RIBC2: variants seen among roughly 807,000 people sequenced by gnomAD.
The protein encoded by RIBC2 is RIB43A domain with coiled-coils 2.
A neutral mutation model predicts 44.3 loss-of-function variants in RIBC2; 40 were observed. The observed-to-expected ratio is 0.90, with a 90% CI of 0.70 to 1.18. The LOEUF (loss-of-function observed/expected upper bound fraction) is 1.18. RIBC2 is among the 50% of genes most tolerant of loss of function. RIBC2 has a pLI of 0.00. For synonymous variants in RIBC2, 171 were observed against 175.0 expected, an observed-to-expected ratio of 0.98 and a Z score of 0.18; for missense variants, 459 against 485.5, an observed-to-expected ratio of 0.95 and a Z score of 0.51.
chr22:45,425,142 AAC>A (rs992475321), intron 4 of RIBC2, among the ~76,000 whole-genome samples: 4 of 152,058 alleles, frequency 2.6e-5, no homozygotes, highest in African/African-American at 9.7e-5. Context: ...CAAACAAACA[AAC>A]AAAAAAAAAC....
At chr22:45,426,278 T>C in intron 5 of RIBC2, 103 bp downstream of exon 5, 1 of 1,019,088 alleles carries the variant, frequency 9.8e-7, no homozygotes, top group South Asian at 1.5e-5. Context: ...TGCTCTGCCC[T>C]AGCACCTGCC....
At chr22:45,428,658 G>A (rs2087553503) in intron 5 of RIBC2, among the ~76,000 whole-genome samples, 1 of 152,202 alleles carries the variant, frequency 6.6e-6, no homozygotes, top group African/African-American at 2.4e-5. Flanking sequence ...GACCACTGAA[G>A]TGACCGTCAT....
intron 2 of RIBC2, among the ~76,000 whole-genome samples, chr22:45,414,888 A>G (rs529955930): frequency 2.6e-5 from 4 of 152,314 alleles, no homozygotes; most frequent in Admixed American, 2.6e-4. Context: ...TGCTCTGCTC[A>G]AAAGTTTAAG....
intron 3 of RIBC2, among the ~76,000 whole-genome samples, chr22:45,418,557 C>T (rs150210601): frequency 7.2e-4 from 110 of 152,318 alleles, no homozygotes; most frequent in Middle Eastern, 3.4e-3. Context: ...AGCACTGACC[C>T]GCCCAGCCAC....
intron 4 of RIBC2, 129 bp from the exon 5 acceptor site, chr22:45,425,819 C>T: frequency 1.3e-6 from 1 of 765,002 alleles, no homozygotes; most frequent in Non-Finnish European, 2.2e-6. Context: ...CAAGTCTCCC[C>T]TCCACCCGAC....
intron 5 of RIBC2, among the ~76,000 whole-genome samples, chr22:45,429,842 A>G (rs1260470117): frequency 1.3e-5 from 2 of 152,126 alleles, no homozygotes; most frequent in African/African-American, 4.8e-5. Context: ...AAAGGGGGAA[A>G]AACACACATG....
Position 45,421,574 on chromosome 22 carries a change from G to GTAT in RIBC2, c.557-710_557-708dup, listed in dbSNP as rs1324149227. 1.5e-4 allele frequency among the ~76,000 whole-genome samples: 10 copies of GTAT among 68,586 alleles called. 1 individual carries two copies. Among genetic ancestry groups the GTAT allele is most frequent in the African/African-American group, 3.6e-4 (4 of 11,184 alleles). 45.0% of individuals were successfully genotyped at this position (68,586 alleles called of 152,430 possible). On this transcript the variant is annotated intron_variant, in intron 3 of 6. Transcript: ENST00000614167. ...AATAATAATAGTATTATTAATAATA[G>GTAT]TATTATTAATAATAATAATAGTATT... is the stretch of plus-strand genomic sequence containing the variant.
chr22:45,418,053 G>A, intron 3 of RIBC2, 107 bp downstream of exon 3: 1 of 674,152 alleles, frequency 1.5e-6, no homozygotes, highest in Non-Finnish European at 2.4e-6. Context: ...TTTTTTTTAA[G>A]CAACCCTACA....
chr22:45,414,457 TC>T, intron 2 of RIBC2, 54 bp downstream of exon 2: 1 of 1,254,454 alleles, frequency 8.0e-7, no homozygotes, highest in Non-Finnish European at 1.1e-6. Flanking sequence ...GGCTTTAGAC[TC>T]CAGTCTTCCC....
At position 45,426,167 on chromosome 22, in the gene RIBC2, G is replaced by A. The variant is rs762234510; in HGVS notation, c.895G>A (p.Glu299Lys). ...IRLVQKQQIQ[E>K]KLRLQEEKRQ... The stretch of plus-strand genomic sequence containing the variant: ...CCTAGTCCAGAAGCAGCAAATCCAG[G>A]AGAAGCTGGTGACTGCCCCGCCCCT... Residue 299 changes from glutamate (E) to lysine (K), a missense_variant, in exon 5 of 7, where the codon GAG (glutamate) becomes AAG (lysine). Coordinates refer to ENST00000614167, the MANE Select transcript of RIBC2 (RefSeq NM_015653.5). The A allele has an allele frequency of 1.9e-6, 3 of 1,613,282 alleles. No homozygotes were observed. The highest frequency in any genetic ancestry group is 1.7e-6 in the Non-Finnish European group (2 of 1,179,836).
rs906790262 is a variant in RIBC2, at chr22:45,421,697, C to T, written c.557-593C>T. Among the ~76,000 whole-genome samples, 5 of 151,598 alleles carry T rather than the reference C, an allele frequency of 3.3e-5. No homozygotes were observed. The East Asian group carries it at 9.7e-4, about 29-fold the overall frequency. ...AAGGCTAAGTAATAGTTGAGGTTAA[C>T]AGAGCTCGGAAATGTCTGGGCTGGG... is the stretch of plus-strand genomic sequence containing the variant. On this transcript the variant is annotated intron_variant, in intron 3 of 6. Coordinates refer to ENST00000614167, the MANE Select transcript of RIBC2 (RefSeq NM_015653.5).
rs562680028 is a variant in RIBC2 at position 45,416,201 on chromosome 22, G to A, written c.212-1401G>A. ...GAGTATTCATTTTAATTGTTTTATG[G>A]CATTTTGTTATATGAATTAACTACA... On this transcript the variant is annotated intron_variant, in intron 2 of 6. Coordinates refer to ENST00000614167, the MANE Select transcript of RIBC2 (RefSeq NM_015653.5). 3.3e-5 allele frequency among the ~76,000 whole-genome samples: 5 copies of A among 151,782 alleles called. 1 individual carries two copies. The South Asian group carries it at 6.2e-4, about 19-fold the overall frequency.
intron 4 of RIBC2, 67 bp from the exon 5 acceptor site, chr22:45,425,881 T>C: frequency 7.2e-7 from 1 of 1,380,500 alleles, no homozygotes; most frequent in Non-Finnish European, 1.0e-6. Context: ...TGAGATTTGC[T>C]GGCCTGGGTG....
Position 45,417,961 on chromosome 22 carries a change from G to T in RIBC2, c.556+15G>T. 6.9e-7 allele frequency: 1 copy of T among 1,457,118 alleles called. No individual in the cohort carries two copies. The highest frequency in any genetic ancestry group is 9.4e-7 in the Non-Finnish European group (1 of 1,069,252). 90.3% of individuals were successfully genotyped at this position (1,457,118 alleles called of 1,614,324 possible). ...AAAATGCGCAGGTAATGAAACAGAA[G>T]AGACGAGCTGGTCTCAACGCTCTCT... On this transcript the variant is annotated intron_variant, in intron 3 of 6. Transcript: ENST00000614167.
At position 45,421,505 on chromosome 22, in the gene RIBC2, ATAG is replaced by A. The variant is rs1569208775; in HGVS notation, c.557-782_557-780del. Among the ~76,000 whole-genome samples the A allele has an allele frequency of 4.0e-4, 17 of 42,516 alleles. 1 individual carries two copies. Among genetic ancestry groups the A allele is most frequent in the African/African-American group, 2.5e-3 (8 of 3,158 alleles). The allele number at this position is 42,516 out of a possible 152,430, so 27.9% of individuals were successfully genotyped here. A position where few individuals can be genotyped will look rare whatever the true frequency, so the allele number is the denominator to read the frequency against. On this transcript the variant is annotated intron_variant, in intron 3 of 6. Coordinates refer to ENST00000614167, the MANE Select transcript of RIBC2 (RefSeq NM_015653.5). ...GTCTAATTAATTATTATTATTAATAATAGTATTATTAATAATAATAATAGTATT... is the reference window on the plus strand; with the variant it reads ...GTCTAATTAATTATTATTATTAATAATATTATTAATAATAATAATAGTATT...
intron 3 of RIBC2, among the ~76,000 whole-genome samples, chr22:45,419,556 A>C (rs1472576822): frequency 6.6e-6 from 1 of 152,096 alleles, no homozygotes; most frequent in Non-Finnish European, 1.5e-5. Context: ...CAACAAAGTG[A>C]GACCTCATCT....
Position 45,421,188 on chromosome 22 carries a change from C to T in RIBC2, c.557-1102C>T, listed in dbSNP as rs12170969. Among the ~76,000 whole-genome samples, 329 of 151,674 alleles carry T rather than the reference C, an allele frequency of 2.2e-3. 1 individual carries two copies. Among genetic ancestry groups the T allele is most frequent in the African/African-American group, 7.2e-3 (298 of 41,326 alleles). ...TGCGCGCCTGTAATCTCAGCTACCC[C>T]GGAGGCTGAGGCAGGAGAATTGCTG... On this transcript the variant is annotated intron_variant, in intron 3 of 6. Transcript: ENST00000614167.
At chr22:45,419,099 A>G (rs987923114) in intron 3 of RIBC2, among the ~76,000 whole-genome samples, 3 of 152,100 alleles carry the variant, frequency 2.0e-5, no homozygotes, top group African/African-American at 7.2e-5. Flanking sequence ...GCTCTCCTCT[A>G]CCAGCTAAAC....
Position 45,415,761 on chromosome 22 carries a change from G to A in RIBC2, c.211+1358G>A, listed in dbSNP as rs554503793. ...GTCTTCCAGGCTGGAGAGCTGTGGC[G>A]CGATCTCAGCTCACCGCAACCTCCG... On this transcript the variant is annotated intron_variant, in intron 2 of 6. Coordinates refer to ENST00000614167, the MANE Select transcript of RIBC2 (RefSeq NM_015653.5). 2.3e-3 allele frequency among the ~76,000 whole-genome samples: 347 copies of A among 152,094 alleles called. 2 individuals carry two copies. Among genetic ancestry groups the A allele is most frequent in the African/African-American group, 7.7e-3 (320 of 41,460 alleles).
Sources: allele counts gnomAD v4.1 joint callset (sites outside exome capture counted in the v4.1 genomes callset), GRCh38; gene constraint gnomAD v4.1.1; transcripts MANE v1.5; gene names NCBI Gene and HGNC (gene_info 2026-07-23, HGNC 2026-07-21).